TRMT9B: variants seen among roughly 807,000 people sequenced by gnomAD.
TRMT9B encodes probable tRNA methyltransferase 9B.
Under a neutral mutation model 11.5 loss-of-function variants are expected in TRMT9B, and 16 were observed. That is an observed-to-expected ratio of 1.39 (90% CI 0.94 to 2.11). The LOEUF is 2.11. Among genes scored for constraint, TRMT9B ranks in the 30% most tolerant of loss-of-function variants. The probability of loss-of-function intolerance (pLI) is 0.00; values close to 1 mark genes in which losing one functional copy is unlikely to be tolerated. For synonymous variants in TRMT9B, 274 were observed against 192.4 expected (o/e 1.42, Z -3.51); for missense variants, 941 against 553.8 (o/e 1.70, Z -7.02).
At chr8:12,947,486 G>C (rs755611895) in intron 1 of TRMT9B, among the ~76,000 whole-genome samples, 5 of 152,210 alleles carry the variant, frequency 3.3e-5, no homozygotes, top group Non-Finnish European at 7.3e-5. Context: ...CAATGGCTAA[G>C]AGCCAGTACC....
chr8:12,999,792 A>C (rs1809067226), intron 2 of TRMT9B, among the ~76,000 whole-genome samples: 1 of 152,162 alleles, frequency 6.6e-6, no homozygotes, highest in Non-Finnish European at 1.5e-5. Context: ...TATTTCTTTG[A>C]GAAGGTGGAG....
intron 1 of TRMT9B, among the ~76,000 whole-genome samples, chr8:12,988,110 A>G (rs1806650986): frequency 6.6e-6 from 1 of 152,018 alleles, no homozygotes; most frequent in African/African-American, 2.4e-5. Flanking sequence ...CTTTTTGCAT[A>G]TGCTGTTTCA....
intron 3 of TRMT9B, chr8:13,010,625 C>T (rs1811411906): frequency 8.1e-6 from 8 of 985,014 alleles, no homozygotes; most frequent in South Asian, 4.7e-5. Context: ...CTGTTTCCTT[C>T]TTATTACAAA....
intron 4 of TRMT9B, among the ~76,000 whole-genome samples, chr8:13,020,409 A>G (rs78855425): frequency 0.036 from 5,549 of 152,320 alleles, 326 homozygotes; most frequent in African/African-American, 0.13. Context: ...TGGAAGTAAA[A>G]TGATGATGTA....
chr8:12,947,850 A>G (rs772461186), intron 1 of TRMT9B, among the ~76,000 whole-genome samples: 1 of 152,218 alleles, frequency 6.6e-6, no homozygotes, highest in African/African-American at 2.4e-5. Flanking sequence ...TGAATTGGTC[A>G]CATTTGGAAA....
rs1241376861 is a variant in TRMT9B, at chr8:13,024,108, A to G, written c.*2064A>G. On this transcript the variant is annotated 3_prime_UTR_variant, in exon 5 of 5. Coordinates refer to ENST00000524591, the MANE Select transcript of TRMT9B (RefSeq NM_020844.3). The stretch of plus-strand genomic sequence containing the variant: ...GCCCAGGCTGGAGTGCACTGGCGCG[A>G]TCTCGGCTCACTGTAAGCTCCGCCT... 7.5e-6 allele frequency: 1 copy of G among 133,818 alleles called. No individual in the cohort carries two copies. The highest frequency in any genetic ancestry group is 1.5e-5 in the Non-Finnish European group (1 of 64,644). 8.3% of individuals were successfully genotyped at this position (133,818 alleles called of 1,614,324 possible). A position where few individuals can be genotyped will look rare whatever the true frequency, so the allele number is the denominator to read the frequency against.
intron 3 of TRMT9B, chr8:13,010,185 T>A (rs997275868): frequency 1.2e-6 from 1 of 839,506 alleles, no homozygotes; most frequent in African/African-American, 1.9e-5. Context: ...AATACCTCTG[T>A]GCAAATCAAC....
rs55837115 is a variant in TRMT9B, at chr8:12,957,745, T to C, written c.-200+11779T>C. Among the ~76,000 whole-genome samples, 318 of 152,348 alleles carry C rather than the reference T, an allele frequency of 2.1e-3. 1 individual carries two copies. The highest frequency in any genetic ancestry group is 3.5e-3 in the Non-Finnish European group (236 of 68,032). On this transcript the variant is annotated intron_variant, in intron 1 of 4. Coordinates refer to ENST00000524591, the MANE Select transcript of TRMT9B (RefSeq NM_020844.3). ...TAGCTTGATTGCATTAACTGCAACATTGATTTTAAAAAATTGTAATAAAAT... is the reference window on the plus strand; with the variant it reads ...TAGCTTGATTGCATTAACTGCAACACTGATTTTAAAAAATTGTAATAAAAT...
At chr8:12,984,189 A>G (rs764167025) in intron 1 of TRMT9B, among the ~76,000 whole-genome samples, 1 of 152,228 alleles carries the variant, frequency 6.6e-6, no homozygotes, top group Non-Finnish European at 1.5e-5. Flanking sequence ...GTATTATGAA[A>G]CAACCATGAA....
At chr8:13,006,011 A>C (rs543925024) in intron 2 of TRMT9B, among the ~76,000 whole-genome samples, 191 bp from the exon 3 acceptor site, 27 of 152,318 alleles carry the variant, frequency 1.8e-4, no homozygotes, top group South Asian at 1.0e-3. Context: ...AAAACCATGC[A>C]TTTGCTAGTC....
chr8:12,961,069 A>G (rs1585092947), intron 1 of TRMT9B, among the ~76,000 whole-genome samples: 1 of 152,190 alleles, frequency 6.6e-6, no homozygotes. Context: ...TGAACCCGGG[A>G]AGTGGAGGTT....
rs371988618 is a variant in TRMT9B, at chr8:13,021,858, G to A, written c.1179G>A (p.Met393Ile). The change falls in exon 5 of 5, where the codon ATG (methionine) becomes ATA (isoleucine). Residue 393 changes from methionine to isoleucine, a missense_variant. Transcript: ENST00000524591. ...DSTDFNPDDT[M>I]SVEDPQTDVL... is the part of the protein sequence containing the mutation. ...CAGATTTCAACCCAGATGATACAAT[G>A]TCTGTCGAAGATCCACAGACTGATG... 9.3e-6 allele frequency: 15 copies of A among 1,613,728 alleles called. No homozygotes were observed. In the African/African-American group the frequency reaches 1.7e-4, roughly 19 times the overall value.
intron 4 of TRMT9B, among the ~76,000 whole-genome samples, chr8:13,014,000 A>G (rs577589884): frequency 1.3e-5 from 2 of 152,324 alleles, no homozygotes; most frequent in East Asian, 1.9e-4. Flanking sequence ...TATCCAAGAA[A>G]GATGATCTTT....
At chr8:12,985,480 A>T (rs1278673626) in intron 1 of TRMT9B, among the ~76,000 whole-genome samples, 7 of 152,148 alleles carry the variant, frequency 4.6e-5, no homozygotes, top group Non-Finnish European at 8.8e-5. Flanking sequence ...AGAAAAGCTA[A>T]TATTGCTTGC....
chr8:13,013,864 G>A (rs910322305), intron 4 of TRMT9B, among the ~76,000 whole-genome samples: 11 of 152,114 alleles, frequency 7.2e-5, no homozygotes, highest in African/African-American at 1.4e-4. Flanking sequence ...CAGGAGAATC[G>A]CTTGAACCTG....
intron 2 of TRMT9B, among the ~76,000 whole-genome samples, chr8:12,994,490 C>A (rs1458132731): frequency 6.6e-6 from 1 of 152,160 alleles, no homozygotes; most frequent in Non-Finnish European, 1.5e-5. Context: ...TAGCGCTCAG[C>A]TCTTCAAACA....
intron 1 of TRMT9B, among the ~76,000 whole-genome samples, chr8:12,966,072 T>C (rs1389612288): frequency 5.3e-5 from 8 of 150,168 alleles, no homozygotes; most frequent in Admixed American, 5.3e-4. Flanking sequence ...ACACCTATAA[T>C]CCGAGCACTT....
At chr8:12,970,446 A>G (rs2128868057) in intron 1 of TRMT9B, among the ~76,000 whole-genome samples, 1 of 152,324 alleles carries the variant, frequency 6.6e-6, no homozygotes, top group South Asian at 2.1e-4. Context: ...TTGCTGCATG[A>G]TTCCAATCCA....
At chr8:12,996,008 G>C (rs996494989) in intron 2 of TRMT9B, among the ~76,000 whole-genome samples, 5 of 152,172 alleles carry the variant, frequency 3.3e-5, no homozygotes, top group Non-Finnish European at 7.3e-5. Flanking sequence ...ACGAGTAACA[G>C]TAACCATGAA....
Sources: allele counts gnomAD v4.1 joint callset (sites outside exome capture counted in the v4.1 genomes callset), GRCh38; gene constraint gnomAD v4.1.1; transcripts MANE v1.5; gene names NCBI Gene and HGNC (gene_info 2026-07-23, HGNC 2026-07-21).